Variants in DRC1 observed in about 807,000 individuals in gnomAD.
The protein encoded by DRC1 is dynein regulatory complex protein 1.
Under a neutral mutation model 98.7 loss-of-function variants are expected in DRC1, and 74 were observed. The observed-to-expected ratio is 0.75, with a 90% CI of 0.62 to 0.91. The LOEUF (loss-of-function observed/expected upper bound fraction) is 0.91. Among genes scored for constraint, DRC1 ranks in the 40% least tolerant of loss-of-function variants. The pLI is 0.00. For synonymous variants in DRC1, 336 were observed against 334.1 expected (o/e 1.01, Z -0.06); for missense variants, 875 against 886.0 (o/e 0.99, Z 0.16).
At chr2:26,418,145 T>C (rs1459492420) in intron 2 of DRC1, among the ~76,000 whole-genome samples, 1 of 152,010 alleles carries the variant, frequency 6.6e-6, no homozygotes, top group Non-Finnish European at 1.5e-5. Flanking sequence ...CATTGTCCCC[T>C]CTAGATTACT....
intron 1 of DRC1, among the ~76,000 whole-genome samples, chr2:26,411,795 T>TA (rs200302831): frequency 0.063 from 9,138 of 144,816 alleles, 672 homozygotes; most frequent in African/African-American, 0.18. Context: ...GACTCTGTCT[T>TA]AAAAAAAAAA....
At chr2:26,408,865 C>T (rs1318785066) in intron 1 of DRC1, among the ~76,000 whole-genome samples, 2 of 152,174 alleles carry the variant, frequency 1.3e-5, no homozygotes, top group Non-Finnish European at 2.9e-5. Flanking sequence ...CTGACATGCA[C>T]AGTTGTTAAG....
At chr2:26,426,125 T>C (rs1663277167) in intron 4 of DRC1, among the ~76,000 whole-genome samples, 1 of 152,216 alleles carries the variant, frequency 6.6e-6, no homozygotes, top group Non-Finnish European at 1.5e-5. Context: ...TATCCAGTTT[T>C]CTCAACATCA....
intron 1 of DRC1, among the ~76,000 whole-genome samples, chr2:26,407,025 G>T (rs1025506837): frequency 7.3e-5 from 11 of 151,676 alleles, no homozygotes; most frequent in African/African-American, 2.4e-4. Flanking sequence ...TCACCATGTT[G>T]CCCAGACTGG....
In DRC1 at chr2:26,424,256, T is replaced by A. The variant is rs1188964676; in HGVS notation, c.357-15T>A. The A allele has an allele frequency of 6.2e-7, 1 of 1,613,586 alleles. No individual in the cohort carries two copies. The highest frequency in any genetic ancestry group is 1.7e-5 in the Admixed American group (1 of 59,982). On this transcript the variant is annotated splice_polypyrimidine_tract_variant and intron_variant, in intron 3 of 16. Transcript: ENST00000288710. The stretch of plus-strand genomic sequence containing the variant: ...TGGAGCTGGGTTGGCATGGCTGGCA[T>A]GTATGTATTTGCAGGATTGAGAAGC...
intron 2 of DRC1, among the ~76,000 whole-genome samples, chr2:26,417,098 C>T (rs79193550): frequency 0.014 from 2,074 of 152,176 alleles, 42 homozygotes; most frequent in African/African-American, 0.04. Context: ...GGAATCCACC[C>T]CCATGATCCA....
chr2:26,444,521 C>T (rs905669951), intron 9 of DRC1, among the ~76,000 whole-genome samples, 165 bp downstream of exon 9: 5 of 152,192 alleles, frequency 3.3e-5, no homozygotes, highest in South Asian at 2.1e-4. Flanking sequence ...CCTTCACTTG[C>T]GTGTCACCTG....
chr2:26,451,734 A>G (rs927914395), intron 13 of DRC1, among the ~76,000 whole-genome samples: 2 of 152,220 alleles, frequency 1.3e-5, no homozygotes, highest in African/African-American at 4.8e-5. Flanking sequence ...GCTGGCAGAA[A>G]TGGACAAAAC....
intron 4 of DRC1, among the ~76,000 whole-genome samples, chr2:26,424,887 G>C (rs970726749): frequency 6.6e-6 from 1 of 152,148 alleles, no homozygotes; most frequent in African/African-American, 2.4e-5. Context: ...GGGAGACAAA[G>C]GTTGCAGTGA....
chr2:26,451,594 G>T (rs1423706004), intron 13 of DRC1, among the ~76,000 whole-genome samples: 1 of 146,464 alleles, frequency 6.8e-6, no homozygotes, highest in Non-Finnish European at 1.5e-5. Context: ...AGCCCAGAAG[G>T]TTGAGGCTGC....
chr2:26,403,872 G>A (rs1274885700), intron 1 of DRC1, among the ~76,000 whole-genome samples: 1 of 151,724 alleles, frequency 6.6e-6, no homozygotes. Flanking sequence ...AGGCTGAGGC[G>A]GGCGGGATCA....
In DRC1 at chr2:26,420,913, G is replaced by A. The variant is rs189645083; in HGVS notation, c.244-375G>A. On this transcript the variant is annotated intron_variant, in intron 2 of 16. Coordinates refer to ENST00000288710, the MANE Select transcript of DRC1 (RefSeq NM_145038.5). ...TGAGTAGCTGGGATTACAGGCACCC[G>A]CCACCATGCCTGGCTAATTTTTGAA... 2.5e-3 allele frequency among the ~76,000 whole-genome samples: 374 copies of A among 151,916 alleles called. 10 individuals carry two copies. The highest frequency in any genetic ancestry group is 0.023 in the Admixed American group (346 of 15,236).
chr2:26,411,415 AGAGT>A (rs1223720213), intron 1 of DRC1, among the ~76,000 whole-genome samples: 2 of 152,244 alleles, frequency 1.3e-5, no homozygotes, highest in African/African-American at 4.8e-5. Flanking sequence ...AAATCCATCT[AGAGT>A]GTATTTTACA....
At position 26,440,398 on chromosome 2, in the gene DRC1, G is replaced by T. The variant is rs139352961; in HGVS notation, c.909G>T (p.Gln303His). The T allele has an allele frequency of 5.7e-4, 920 of 1,611,340 alleles. 4 individuals carry two copies. In the African/African-American group the frequency reaches 0.011, roughly 20 times the overall value. The change falls in exon 8 of 17, where the codon CAG (glutamine) becomes CAT (histidine). Residue 303 changes from glutamine (Q) to histidine (H), a missense_variant. Gln to His is a conservative substitution (Grantham distance 24). Transcript: ENST00000288710. ...TTTAGATTCTTGAGCAGCAGCTTCA[G>T]CAGAGGAAAGCAATTTATCAGCTAA... The part of the protein sequence containing the change: ...QDVQILEQQL[Q>H]QRKAIYQLNQ...
chr2:26,451,326 G>A (rs944846065), intron 13 of DRC1, among the ~76,000 whole-genome samples: 18 of 152,192 alleles, frequency 1.2e-4, no homozygotes, highest in Non-Finnish European at 1.8e-4. Context: ...ACACTTTCCC[G>A]CAAGGCAAGG....
At chr2:26,418,216 T>C (rs1678878252) in intron 2 of DRC1, among the ~76,000 whole-genome samples, 1 of 151,962 alleles carries the variant, frequency 6.6e-6, no homozygotes, top group Non-Finnish European at 1.5e-5. Context: ...TCAACCTATA[T>C]GTGCCTCTTC....
chr2:26,416,677 C>A (rs532379971), intron 2 of DRC1, among the ~76,000 whole-genome samples: 1 of 152,174 alleles, frequency 6.6e-6, no homozygotes, highest in African/African-American at 2.4e-5. Flanking sequence ...AAAGATCATC[C>A]TTTCCCCACT....
At chr2:26,431,773 A>G in intron 6 of DRC1, 111 bp from the exon 7 acceptor site, 2 of 1,514,472 alleles carry the variant, frequency 1.3e-6, no homozygotes, top group South Asian at 2.6e-5. Flanking sequence ...CTCCCTGTGG[A>G]GCCATGAAAC....
chr2:26,404,563 A>T (rs1381293263), intron 1 of DRC1, among the ~76,000 whole-genome samples: 1 of 152,196 alleles, frequency 6.6e-6, no homozygotes, highest in Non-Finnish European at 1.5e-5. Context: ...CCCATGAATT[A>T]AAAGGAGATT....
Sources: gnomAD v4.1 joint callset for allele counts (sites outside exome capture counted in the v4.1 genomes callset) on GRCh38, gnomAD v4.1.1 for gene constraint, MANE v1.5 for transcripts, NCBI Gene and HGNC (gene_info 2026-07-23, HGNC 2026-07-21) for gene names.